The following ITIH6 variants were observed in gnomAD, a reference collection of about 807,000 sequenced individuals.
The protein encoded by ITIH6 is inter-alpha-trypsin inhibitor heavy chain H6.
A neutral mutation model predicts 58.2 loss-of-function variants in ITIH6; 60 were observed. That is an observed-to-expected ratio of 1.03 (90% CI 0.84 to 1.28). The LOEUF (loss-of-function observed/expected upper bound fraction) is 1.28. Among genes scored for constraint, ITIH6 ranks in the 50% most tolerant of loss-of-function variants. The probability of loss-of-function intolerance (pLI) is 0.00; values close to 1 mark genes in which losing one functional copy is unlikely to be tolerated. For synonymous variants in ITIH6, 493 were observed against 417.4 expected, an observed-to-expected ratio of 1.18 and a Z score of -2.21; for missense variants, 1,290 against 1,021.1, an observed-to-expected ratio of 1.26 and a Z score of -3.59.
chrX:54,797,799 T>C (rs957264319), intron 1 of ITIH6, among the ~76,000 whole-genome samples: 2 of 111,316 alleles, frequency 1.8e-5, no homozygotes, highest in Non-Finnish European at 3.8e-5. Flanking sequence ...ATGAGGATGA[T>C]TTGAGATCAG....
At chrX:54,777,907 A>T (rs1046895394) in intron 5 of ITIH6, among the ~76,000 whole-genome samples, 14 of 112,286 alleles carry the variant, frequency 1.2e-4, no homozygotes, top group African/African-American at 4.2e-4. Context: ...ACAGAAGAAC[A>T]TCTAAAAGTA....
intron 6 of ITIH6, among the ~76,000 whole-genome samples, chrX:54,760,852 C>G (rs1205658420): frequency 6.0e-4 from 67 of 110,979 alleles, no homozygotes; most frequent in African/African-American, 1.6e-3. Context: ...GGACATTTGG[C>G]TTGGTTCCAA....
chrX:54,786,063 G>C (rs778748058), intron 5 of ITIH6, among the ~76,000 whole-genome samples: 2 of 111,969 alleles, frequency 1.8e-5, no homozygotes, highest in South Asian at 7.5e-4. Context: ...AGAAGCCTCT[G>C]ATGCATCCTG....
intron 6 of ITIH6, among the ~76,000 whole-genome samples, chrX:54,773,348 G>C (rs761454483): frequency 9.0e-6 from 1 of 111,609 alleles, no homozygotes; most frequent in South Asian, 3.8e-4. Context: ...ACTGGGGCTG[G>C]GGAGCTGGCT....
intron 8 of ITIH6, among the ~76,000 whole-genome samples, chrX:54,756,074 A>T (rs1489486137): frequency 9.0e-6 from 1 of 110,754 alleles, no homozygotes; most frequent in African/African-American, 3.3e-5. Flanking sequence ...GGATTTGGTA[A>T]ATATATTAGA....
intron 11 of ITIH6, among the ~76,000 whole-genome samples, chrX:54,753,071 T>C (rs1928399595): frequency 8.9e-6 from 1 of 112,850 alleles, no homozygotes; most frequent in South Asian, 3.6e-4. Flanking sequence ...ATGACAATGC[T>C]TCTGCTCATT....
chrX:54,796,666 A>G (rs1354094944), intron 2 of ITIH6, among the ~76,000 whole-genome samples: 1 of 102,276 alleles, frequency 9.8e-6, no homozygotes, highest in Non-Finnish European at 2.0e-5. Context: ...CCTGGGCAAC[A>G]GAGCGAGACT....
Position 54,751,345 on chromosome X carries a change from G to A in ITIH6, c.3388C>T (p.Pro1130Ser), listed in dbSNP as rs769576240. 6.6e-6 allele frequency: 8 copies of A among 1,210,378 alleles called. No homozygotes were observed. The highest frequency in any genetic ancestry group is 8.9e-6 in the Non-Finnish European group (8 of 895,199). ...HVSGKLLGAP[P>S]RPGHKDQTRT... is the part of the protein sequence containing the mutation. ...GTCTGGTCCTTGTGGCCCGGCCTTG[G>A]TGGTGCGCCAAGCAGCTTCCCACTC... The change falls in exon 12 of 13, where the codon CCA becomes TCA. Residue 1130 changes from proline (P) to serine (S), a missense_variant. Coordinates refer to ENST00000218436, the MANE Select transcript of ITIH6 (RefSeq NM_198510.3).
At position 54,758,869 on chromosome X, in the gene ITIH6, G is replaced by A; in HGVS notation, c.1205C>T (p.Ala402Val). ...IIFLTDGEPT[A>V]GVTTPSVILS... Reference sequence around the variant, plus strand: ...GATCACACTGGGGGTCGTCACGCCGGCCGTGGGCTCCCCATCCGTCAGGAA... The same window carrying A: ...GATCACACTGGGGGTCGTCACGCCGACCGTGGGCTCCCCATCCGTCAGGAA... Residue 402 changes from alanine (A) to valine (V), a missense_variant, in exon 8 of 13, where the codon GCC becomes GTC. Physicochemically the swap from Ala to Val is moderately conservative, Grantham distance 64 (BLOSUM62 0). Transcript: ENST00000218436. 8.3e-7 allele frequency: 1 copy of A among 1,211,308 alleles called. No individual in the cohort carries two copies. Among genetic ancestry groups the A allele is most frequent in the Non-Finnish European group, 1.1e-6 (1 of 895,323 alleles).
chrX:54,764,515 T>C (rs1928726320), intron 6 of ITIH6, among the ~76,000 whole-genome samples: 1 of 108,078 alleles, frequency 9.3e-6, no homozygotes, highest in Non-Finnish European at 1.9e-5. Context: ...CAGTGTTTGA[T>C]TTTTTGTTCT....
At chrX:54,790,506 G>A (rs752939776) in intron 4 of ITIH6, among the ~76,000 whole-genome samples, 24 of 112,004 alleles carry the variant, frequency 2.1e-4, no homozygotes, top group African/African-American at 6.5e-4. Context: ...GGCCAGTGTG[G>A]CTTCTACAGC....
intron 5 of ITIH6, among the ~76,000 whole-genome samples, chrX:54,786,678 G>A (rs1324429799): frequency 1.8e-5 from 2 of 111,309 alleles, no homozygotes; most frequent in African/African-American, 6.6e-5. Context: ...GGTCAGCCTT[G>A]GTTGCCTTCA....
Position 54,751,238 on chromosome X carries a change from A to G in ITIH6, c.3495T>C (p.Ser1165=), listed in dbSNP as rs749164004. ...GGCGCAAGGTACCCTCGCCTCGCAA[A>G]GATATAGAACTGCGGCTGATGGTGA... ...YTITISRSSI[S]LRGEGTLRLS... is the part of the protein sequence containing the mutation. The change falls in exon 12 of 13, where the codon TCT becomes TCC. Residue 1165 remains serine, a synonymous_variant. Coordinates refer to ENST00000218436, the MANE Select transcript of ITIH6 (RefSeq NM_198510.3). 1.1e-5 allele frequency: 13 copies of G among 1,210,191 alleles called. No homozygotes were observed. Among genetic ancestry groups the G allele is most frequent in the African/African-American group, 1.7e-5 (1 of 57,250 alleles).
rs1193317862 is a variant in ITIH6 at position 54,749,880 on chromosome X, G to A, written c.*15C>T. The stretch of plus-strand genomic sequence containing the variant: ...TCCCAAATTCAGGTCTCCTGGCTCT[G>A]GAATTCAGAAGCCATCACAGGACAT... On this transcript the variant is annotated 3_prime_UTR_variant, in exon 13 of 13. Coordinates refer to ENST00000218436, the MANE Select transcript of ITIH6 (RefSeq NM_198510.3). 1 of 1,185,729 alleles carries A rather than the reference G, an allele frequency of 8.4e-7. No homozygotes were observed. The highest frequency in any genetic ancestry group is 1.8e-5 in the African/African-American group (1 of 56,573).
chrX:54,766,356 T>C lies in ITIH6; in HGVS notation c.904-6429A>G, dbSNP rs867720879. On this transcript the variant is annotated intron_variant, in intron 6 of 12. Coordinates refer to ENST00000218436, the MANE Select transcript of ITIH6 (RefSeq NM_198510.3). ...CAAACAGGGACAATTTGACTTCCTC[T>C]TTTCCTAATTGAATACCCTTTATTT... Among the ~76,000 whole-genome samples, 592 of 83,174 alleles carry C rather than the reference T, an allele frequency of 7.1e-3. 2 individuals carry two copies. Among genetic ancestry groups the C allele is most frequent in the Non-Finnish European group, 0.011 (470 of 43,391 alleles). 72.2% of individuals were successfully genotyped at this position (83,174 alleles called of 115,157 possible). A position where few individuals can be genotyped will look rare whatever the true frequency, so the allele number is the denominator to read the frequency against.
Position 54,753,491 on chromosome X carries a change from T to G in ITIH6, c.3352+160A>C, listed in dbSNP as rs185597539. On this transcript the variant is annotated intron_variant, in intron 11 of 12. Coordinates refer to ENST00000218436, the MANE Select transcript of ITIH6 (RefSeq NM_198510.3). ...GTATCTTGGTGTTTGAGTGTATTCA[T>G]GTGTGTTTTTTTGTGTGTCTTGGTG... Among the ~76,000 whole-genome samples the G allele has an allele frequency of 2.7e-5, 3 of 112,270 alleles. No homozygotes were observed. In the East Asian group the frequency reaches 8.4e-4, roughly 31 times the overall value.
At chrX:54,781,777 G>A (rs960363397) in intron 5 of ITIH6, among the ~76,000 whole-genome samples, 1 of 112,268 alleles carries the variant, frequency 8.9e-6, no homozygotes, top group African/African-American at 3.2e-5. Flanking sequence ...AAAGACACAT[G>A]CACATGTATG....
chrX:54,794,035 A>T (rs1452908134), intron 2 of ITIH6, among the ~76,000 whole-genome samples: 10 of 111,537 alleles, frequency 9.0e-5, no homozygotes, highest in Admixed American at 4.8e-4. Context: ...AAGTTGCTTG[A>T]CCAAGGCAGC....
intron 8 of ITIH6, among the ~76,000 whole-genome samples, chrX:54,755,797 C>G (rs955072025): frequency 6.3e-5 from 7 of 110,707 alleles, no homozygotes; most frequent in South Asian, 3.9e-4. Context: ...GGGTAGGGAG[C>G]AGATCATGCA....
Sources: gnomAD v4.1 joint callset for allele counts (sites outside exome capture counted in the v4.1 genomes callset) on GRCh38, gnomAD v4.1.1 for gene constraint, MANE v1.5 for transcripts, NCBI Gene and HGNC (gene_info 2026-07-23, HGNC 2026-07-21) for gene names.